Variants in PCDHA8 observed in about 807,000 individuals in gnomAD.
PCDHA8 encodes protocadherin alpha-8.
In PCDHA8, 53 loss-of-function variants were observed where a neutral mutation model predicts 61.8. The observed-to-expected ratio is 0.86, with a 90% CI of 0.69 to 1.08. The LOEUF is 1.08. Among genes scored for constraint, PCDHA8 ranks in the 50% least tolerant of loss-of-function variants. The probability of loss-of-function intolerance (pLI) is 0.00; values close to 1 mark genes in which losing one functional copy is unlikely to be tolerated. For synonymous variants in PCDHA8, 618 were observed against 556.6 expected (o/e 1.11, Z -1.55); for missense variants, 1,293 against 1,245.0 (o/e 1.04, Z -0.58).
rs782577579 is a variant in PCDHA8, at chr5:140,978,981, T to G, written c.2427T>G (p.Ser809=). The G allele has an allele frequency of 1.4e-5, 22 of 1,614,096 alleles. No individual in the cohort carries two copies. Among genetic ancestry groups the G allele is most frequent in the Non-Finnish European group, 1.8e-5 (21 of 1,180,040 alleles). The change falls in exon 2 of 4, where the codon TCT becomes TCG. Residue 809 remains serine (S), a synonymous_variant. Transcript: ENST00000531613. ...PRQPNPDWRY[S]ASLRAGMHSS... ...AGCCCAACCCTGACTGGCGTTACTC[T>G]GCCTCCCTGAGAGCAGGCATGCACA... is the stretch of plus-strand genomic sequence containing the variant.
chr5:140,889,923 C>T (rs1225073810), intron 1 of PCDHA8, among the ~76,000 whole-genome samples: 1 of 152,184 alleles, frequency 6.6e-6, no homozygotes, highest in African/African-American at 2.4e-5. Flanking sequence ...TGTAAAGAAG[C>T]TCAAGCTGGA....
At chr5:140,867,473 G>A (rs2049977371) in intron 1 of PCDHA8, 1 of 151,968 alleles carries the variant, frequency 6.6e-6, no homozygotes, top group Non-Finnish European at 1.5e-5. Flanking sequence ...ACAACATTGG[G>A]AAAAGAGTAA....
intron 1 of PCDHA8, among the ~76,000 whole-genome samples, chr5:140,924,235 G>C (rs1320085802): frequency 6.6e-6 from 1 of 152,208 alleles, no homozygotes; most frequent in Non-Finnish European, 1.5e-5. Flanking sequence ...TTTATGGGCT[G>C]TTTTGCATCC....
intron 3 of PCDHA8, among the ~76,000 whole-genome samples, chr5:140,985,373 C>G (rs1228293287): frequency 6.6e-6 from 1 of 152,106 alleles, no homozygotes. Flanking sequence ...TTATCTGGGT[C>G]TATATAATCC....
At chr5:140,927,430 A>C (rs782761686) in intron 1 of PCDHA8, 4 of 1,614,152 alleles carry the variant, frequency 2.5e-6, no homozygotes, top group Non-Finnish European at 3.4e-6. Flanking sequence ...GGTTGACGGC[A>C]GCGAATACCC....
chr5:140,927,960 C>G, intron 1 of PCDHA8: 2 of 1,614,196 alleles, frequency 1.2e-6, no homozygotes, highest in Non-Finnish European at 1.7e-6. Flanking sequence ...CTGCCCCTGG[C>G]ACAGTGATTG....
Position 141,011,938 on chromosome 5 carries a change from T to TA in PCDHA8, c.*2008dup, listed in dbSNP as rs1489019865. 2.6e-5 allele frequency: 4 copies of TA among 153,644 alleles called. No individual in the cohort carries two copies. The highest frequency in any genetic ancestry group is 6.5e-5 in the Admixed American group (1 of 15,278). The allele number at this position is 153,644 out of a possible 1,614,324, so 9.5% of individuals were successfully genotyped here. A position where few individuals can be genotyped will look rare whatever the true frequency, so the allele number is the denominator to read the frequency against. ...ATAAAAGAGGTAGGAGTCTGTTATT[T>TA]AAAAAAAGCATTAAATTTAAAAAAA... On this transcript the variant is annotated 3_prime_UTR_variant, in exon 4 of 4. Transcript: ENST00000531613.
intron 1 of PCDHA8, among the ~76,000 whole-genome samples, chr5:140,905,536 T>A (rs1562950103): frequency 6.6e-6 from 1 of 152,286 alleles, no homozygotes; most frequent in East Asian, 1.9e-4. Flanking sequence ...TGGTTCCATA[T>A]GAACTTTAGG....
intron 1 of PCDHA8, chr5:140,883,169 G>C (rs1554177001): frequency 6.2e-7 from 1 of 1,613,950 alleles, no homozygotes; most frequent in Admixed American, 1.7e-5. Flanking sequence ...GAACAATGGA[G>C]AAATTAGGAC....
Position 140,884,117 on chromosome 5 carries a change from G to A in PCDHA8, c.2394+40402G>A, listed in dbSNP as rs782383006. 1 of 1,613,298 alleles carries A rather than the reference G, an allele frequency of 6.2e-7. No homozygotes were observed. The highest frequency in any genetic ancestry group is 1.7e-5 in the Admixed American group (1 of 60,006). On this transcript the variant is annotated intron_variant, in intron 1 of 3. Transcript: ENST00000531613. ...GTATGAATTGCAGCTGGCGGCGGTC[G>A]GCGCGCGCATCCCGTTCCGCGTGGG...
At chr5:140,959,548 A>G (rs1554224134) in intron 1 of PCDHA8, among the ~76,000 whole-genome samples, 2 of 152,194 alleles carry the variant, frequency 1.3e-5, no homozygotes, top group Non-Finnish European at 2.9e-5. Flanking sequence ...ATGCTGTATA[A>G]ATAGAATCAG....
intron 1 of PCDHA8, among the ~76,000 whole-genome samples, chr5:140,906,631 C>A (rs919514401): frequency 6.6e-6 from 1 of 152,238 alleles, no homozygotes; most frequent in East Asian, 1.9e-4. Context: ...TCAGCAAGCA[C>A]CTCAGCAGGT....
At chr5:140,876,140 C>G in intron 1 of PCDHA8, 1 of 1,613,944 alleles carries the variant, frequency 6.2e-7, no homozygotes, top group Non-Finnish European at 8.5e-7. Context: ...CCAGAACTAA[C>G]AGGGTCTGTC....
At position 140,843,977 on chromosome 5, in the gene PCDHA8, C is replaced by A. The variant is rs1357233460; in HGVS notation, c.2394+262C>A. Reference sequence around the variant, plus strand: ...TTTACTGAATATTTATTTTGGCCTGCCTTACAGCCGTCTTCTCTGAACAAT... The same window carrying A: ...TTTACTGAATATTTATTTTGGCCTGACTTACAGCCGTCTTCTCTGAACAAT... On this transcript the variant is annotated intron_variant, in intron 1 of 3. Transcript: ENST00000531613. Among the ~76,000 whole-genome samples the A allele has an allele frequency of 1.3e-5, 2 of 149,352 alleles. 1 individual carries two copies.
chr5:140,851,307 T>C (rs1562478803), intron 1 of PCDHA8: 21 of 1,000,198 alleles, frequency 2.1e-5, no homozygotes, highest in Non-Finnish European at 2.6e-5. Context: ...TATATAGCAA[T>C]TGTTACCTTG....
At chr5:140,948,665 A>T (rs2094288381) in intron 1 of PCDHA8, among the ~76,000 whole-genome samples, 1 of 151,668 alleles carries the variant, frequency 6.6e-6, no homozygotes. Flanking sequence ...ATCTGTAGTG[A>T]TAACATCTTT....
chr5:141,009,452 TAAAC>T (rs1226554195), intron 3 of PCDHA8, among the ~76,000 whole-genome samples, 171 bp from the exon 4 acceptor site: 1 of 152,120 alleles, frequency 6.6e-6, no homozygotes, highest in Non-Finnish European at 1.5e-5. Flanking sequence ...TCAAAAAAAT[TAAAC>T]AAATAAATAA....
At chr5:140,912,648 A>G (rs1161381718) in intron 1 of PCDHA8, among the ~76,000 whole-genome samples, 1 of 152,164 alleles carries the variant, frequency 6.6e-6, no homozygotes, top group African/African-American at 2.4e-5. Flanking sequence ...TATGTTGAAT[A>G]GAAGTGGTGA....
intron 1 of PCDHA8, among the ~76,000 whole-genome samples, chr5:140,905,438 C>T (rs182288757): frequency 1.5e-4 from 23 of 152,228 alleles, no homozygotes; most frequent in Non-Finnish European, 2.4e-4. Flanking sequence ...TAACTACAGC[C>T]TTTTAGTATA....
Sources: gnomAD v4.1 joint callset for allele counts (sites outside exome capture counted in the v4.1 genomes callset) on GRCh38, gnomAD v4.1.1 for gene constraint, MANE v1.5 for transcripts, NCBI Gene and HGNC (gene_info 2026-07-23, HGNC 2026-07-21) for gene names.